CAST: variants seen among roughly 807,000 people sequenced by gnomAD.
The protein encoded by CAST is MIR583 host.
A neutral mutation model predicts 119.6 loss-of-function variants in CAST; 76 were observed. The observed-to-expected ratio is 0.64, with a 90% CI of 0.53 to 0.77. The LOEUF is 0.77. Ranked by LOEUF, CAST falls within the 30% of genes least tolerant of loss-of-function variation. The probability of loss-of-function intolerance (pLI) is 0.00; values close to 1 mark genes in which losing one functional copy is unlikely to be tolerated. For missense variants in CAST, 953 were observed against 946.5 expected (o/e 1.01, Z -0.09); for synonymous variants, 319 against 331.6 (o/e 0.96, Z 0.41).
At chr5:96,439,568 CTCTT>C in the CAST span, among the ~76,000 whole-genome samples, 1 of 152,178 alleles carries the variant, frequency 6.6e-6, no homozygotes, top group African/African-American at 2.4e-5. Context: ...TCCCTCATCA[CTCTT>C]TATTGCAGAA....
chr5:96,237,439 G>A, the CAST span, among the ~76,000 whole-genome samples: 1 of 152,062 alleles, frequency 6.6e-6, no homozygotes, highest in Non-Finnish European at 1.5e-5. Flanking sequence ...GGATTTATTA[G>A]TTTCTAAAAA....
intron 1 of CAST, among the ~76,000 whole-genome samples, chr5:96,568,986 C>A (rs17086305): frequency 0.29 from 43,674 of 151,966 alleles, 6,635 homozygotes; most frequent in East Asian, 0.58. Flanking sequence ...AGCAGCTACG[C>A]TCTGCTCAGA....
the CAST span, among the ~76,000 whole-genome samples, chr5:96,217,628 A>G: frequency 6.6e-6 from 1 of 152,192 alleles, no homozygotes; most frequent in South Asian, 2.1e-4. Context: ...GAGAACAGCT[A>G]CTGGACAAAA....
chr5:96,031,502 G>T, the CAST span, among the ~76,000 whole-genome samples: 2 of 152,086 alleles, frequency 1.3e-5, no homozygotes, highest in Admixed American at 6.6e-5. Context: ...AGTCACACTG[G>T]TTCAAACATC....
intron 20 of CAST, among the ~76,000 whole-genome samples, chr5:96,752,422 C>A (rs1765261612): frequency 6.6e-6 from 1 of 152,124 alleles, no homozygotes; most frequent in African/African-American, 2.4e-5. Flanking sequence ...AATCATGTAG[C>A]AACTCACATT....
chr5:96,727,357 AT>A, intron 5 of CAST, 131 bp from the exon 6 acceptor site: 1 of 527,638 alleles, frequency 1.9e-6, no homozygotes, highest in Non-Finnish European at 3.3e-6. Context: ...TTAACTGATA[AT>A]GTTTATAATT....
the CAST span, among the ~76,000 whole-genome samples, chr5:96,123,018 G>T: frequency 6.6e-6 from 1 of 152,096 alleles, no homozygotes; most frequent in Non-Finnish European, 1.5e-5. Flanking sequence ...TGTTCAGGAT[G>T]TAGTAGGCAT....
At chr5:96,021,496 A>C in the CAST span, among the ~76,000 whole-genome samples, 1 of 151,758 alleles carries the variant, frequency 6.6e-6, no homozygotes, top group African/African-American at 2.4e-5. Flanking sequence ...CCCAGGCTGG[A>C]GTGCAGTGGC....
In CAST at chr5:96,606,200, G is replaced by C. The variant is rs370817094; in HGVS notation, c.61-69339G>C. ...AAAAAACACTGCCCAGGGCAGAGTG[G>C]GGCCCAGGCATCAGCCAATGTGGAC... On this transcript the variant is annotated intron_variant, in intron 1 of 11. Transcript: ENST00000505143. 4.6e-5 allele frequency among the ~76,000 whole-genome samples: 7 copies of C among 152,176 alleles called. No individual in the cohort carries two copies. The South Asian group carries it at 1.5e-3, about 32-fold the overall frequency.
the CAST span, among the ~76,000 whole-genome samples, chr5:96,238,554 A>ATT: frequency 0.033 from 4,543 of 136,196 alleles, 116 homozygotes; most frequent in Non-Finnish European, 0.048. Flanking sequence ...CACCTGGCTA[A>ATT]TTTTTTTTTT....
chr5:96,192,229 T>C, the CAST span, among the ~76,000 whole-genome samples: 1 of 152,188 alleles, frequency 6.6e-6, no homozygotes, highest in Non-Finnish European at 1.5e-5. Flanking sequence ...AATAGATAGA[T>C]GAAAATTATA....
chr5:96,757,000 G>T (rs1766457709), intron 22 of CAST, among the ~76,000 whole-genome samples: 1 of 152,232 alleles, frequency 6.6e-6, no homozygotes. Context: ...GGCTTGGCAT[G>T]TAGTCCTTGC....
chr5:96,073,113 T>A, the CAST span, among the ~76,000 whole-genome samples: 3 of 152,252 alleles, frequency 2.0e-5, no homozygotes, highest in African/African-American at 7.2e-5. Flanking sequence ...CAAAGTCTGT[T>A]ATCCCTTTGA....
intron 1 of CAST, among the ~76,000 whole-genome samples, chr5:96,633,357 T>A (rs1192756182): frequency 2.0e-5 from 3 of 152,228 alleles, no homozygotes; most frequent in Non-Finnish European, 4.4e-5. Context: ...TGTTTTTCCA[T>A]GTATTTAGGT....
chr5:96,251,889 C>G, the CAST span, among the ~76,000 whole-genome samples: 1 of 152,142 alleles, frequency 6.6e-6, no homozygotes, highest in Non-Finnish European at 1.5e-5. Flanking sequence ...ACATCACCTA[C>G]AAGGCCAAAT....
intron 12 of CAST, 119 bp from the exon 13 acceptor site, chr5:96,740,626 A>G: frequency 1.4e-6 from 1 of 737,892 alleles, no homozygotes; most frequent in Non-Finnish European, 2.4e-6. Flanking sequence ...TGGGGTTAAG[A>G]CTTGAACATA....
At chr5:96,501,061 A>T in the CAST span, among the ~76,000 whole-genome samples, 1 of 152,186 alleles carries the variant, frequency 6.6e-6, no homozygotes, top group Non-Finnish European at 1.5e-5. Context: ...TAAAGTTAAC[A>T]AAGTCAGGTA....
chr5:96,389,980 C>T, the CAST span, among the ~76,000 whole-genome samples: 1 of 152,018 alleles, frequency 6.6e-6, no homozygotes, highest in African/African-American at 2.4e-5. Flanking sequence ...ATGAGAGAAC[C>T]TCTGGGAAGG....
intron 24 of CAST, among the ~76,000 whole-genome samples, chr5:96,760,215 C>T (rs572715070): frequency 3.7e-4 from 56 of 151,894 alleles, no homozygotes; most frequent in Middle Eastern, 3.4e-3. Context: ...GTAAAAATTA[C>T]ATACAGCATA....
Sources: allele counts gnomAD v4.1 joint callset (sites outside exome capture counted in the v4.1 genomes callset), GRCh38; gene constraint gnomAD v4.1.1; transcripts MANE v1.5; gene names NCBI Gene and HGNC (gene_info 2026-07-23, HGNC 2026-07-21).